Variants in RNGTT observed in about 807,000 individuals in gnomAD.
RNGTT encodes the protein RNA guanylyltransferase and 5'-phosphatase.
In RNGTT, 33 loss-of-function variants were observed where a neutral mutation model predicts 79.3. The ratio of observed to expected loss-of-function variants is 0.42; its 90% CI spans 0.32 to 0.56. RNGTT has a LOEUF of 0.56. Among genes scored for constraint, RNGTT ranks in the 20% least tolerant of loss-of-function variants. The probability of loss-of-function intolerance (pLI) is 0.17; values close to 1 mark genes in which losing one functional copy is unlikely to be tolerated. For missense variants in RNGTT, 497 were observed against 739.1 expected (o/e 0.67, Z 3.80); for synonymous variants, 222 against 235.9 (o/e 0.94, Z 0.54).
chr6:88,959,335 C>T (rs940382836), intron 1 of RNGTT, among the ~76,000 whole-genome samples: 2 of 152,008 alleles, frequency 1.3e-5, no homozygotes, highest in Non-Finnish European at 2.9e-5. Context: ...ACCACCTGTC[C>T]CCCAAAAACT....
intron 4 of RNGTT, among the ~76,000 whole-genome samples, chr6:88,921,320 A>C (rs1310289232): frequency 7.1e-6 from 1 of 141,380 alleles, no homozygotes; most frequent in African/African-American, 2.7e-5. Context: ...CCTGGTCTTT[A>C]AAAAAAAAAA....
chr6:88,932,023 A>G (rs1334618297), intron 2 of RNGTT, among the ~76,000 whole-genome samples: 1 of 152,150 alleles, frequency 6.6e-6, no homozygotes, highest in Non-Finnish European at 1.5e-5. Context: ...ACTGCCTGGG[A>G]GCCAGGCAGG....
In RNGTT at chr6:88,819,750, A is replaced by C. The variant is rs541068847; in HGVS notation, c.1270-18118T>G. Among the ~76,000 whole-genome samples the C allele has an allele frequency of 3.3e-5, 5 of 152,200 alleles. No homozygotes were observed. In the South Asian group the frequency reaches 1.0e-3, roughly 32 times the overall value. On this transcript the variant is annotated intron_variant, in intron 11 of 15. Transcript: ENST00000369485. ...ACATTCTCTTCCACTCTACCTCATT[A>C]ATCTCTACCAACAGACAGCTGCTAA... is the stretch of plus-strand genomic sequence containing the variant.
chr6:88,699,412 C>T (rs1447729383), intron 13 of RNGTT, among the ~76,000 whole-genome samples: 4 of 152,070 alleles, frequency 2.6e-5, no homozygotes, highest in African/African-American at 7.2e-5. Context: ...AAATTTTTCA[C>T]GGTGGCTCAT....
chr6:88,719,698 A>G (rs1776639868), intron 13 of RNGTT, among the ~76,000 whole-genome samples: 1 of 152,226 alleles, frequency 6.6e-6, no homozygotes, highest in East Asian at 1.9e-4. Flanking sequence ...CTGAAATACA[A>G]GGACACTTGG....
chr6:88,751,521 A>G (rs1173662174), intron 13 of RNGTT, among the ~76,000 whole-genome samples: 1 of 152,156 alleles, frequency 6.6e-6, no homozygotes, highest in African/African-American at 2.4e-5. Flanking sequence ...TCAAAAGGCC[A>G]CATTACCTGG....
chr6:88,815,971 T>A (rs965900404), intron 11 of RNGTT, among the ~76,000 whole-genome samples: 2 of 152,190 alleles, frequency 1.3e-5, no homozygotes, highest in African/African-American at 4.8e-5. Context: ...ATTCTTTGTA[T>A]CAATTTTAAG....
intron 11 of RNGTT, among the ~76,000 whole-genome samples, chr6:88,821,697 C>T (rs77347275): frequency 0.019 from 2,928 of 151,434 alleles, 85 homozygotes; most frequent in African/African-American, 0.067. Flanking sequence ...CAACTGATTT[C>T]GATAATAAAA....
chr6:88,624,592 CTAAA>C (rs1772559325), intron 14 of RNGTT, among the ~76,000 whole-genome samples: 1 of 151,628 alleles, frequency 6.6e-6, no homozygotes, highest in Non-Finnish European at 1.5e-5. Context: ...TAAAGTACAC[CTAAA>C]TAAATATAGA....
At chr6:88,898,719 C>T (rs1783340063) in intron 6 of RNGTT, among the ~76,000 whole-genome samples, 1 of 149,466 alleles carries the variant, frequency 6.7e-6, no homozygotes, top group South Asian at 2.1e-4. Context: ...ATATATTCTT[C>T]TACACTAAGT....
intron 6 of RNGTT, among the ~76,000 whole-genome samples, chr6:88,898,830 A>G (rs1783344754): frequency 6.7e-6 from 1 of 149,994 alleles, no homozygotes; most frequent in African/African-American, 2.5e-5. Flanking sequence ...TTTTAACTCT[A>G]TATACTCCTA....
At chr6:88,939,619 T>C (rs1019044672) in intron 2 of RNGTT, among the ~76,000 whole-genome samples, 1 of 152,112 alleles carries the variant, frequency 6.6e-6, no homozygotes, top group African/African-American at 2.4e-5. Context: ...ATTTCATGAA[T>C]TTTTTTATTA....
intron 13 of RNGTT, among the ~76,000 whole-genome samples, chr6:88,729,508 G>A (rs927363088): frequency 2.0e-5 from 3 of 151,776 alleles, no homozygotes; most frequent in Non-Finnish European, 4.4e-5. Flanking sequence ...TTTAAAGCCC[G>A]AAATCAAATA....
intron 11 of RNGTT, among the ~76,000 whole-genome samples, chr6:88,807,178 A>G (rs2127867676): frequency 6.6e-6 from 1 of 152,164 alleles, no homozygotes; most frequent in East Asian, 1.9e-4. Context: ...TGTGCAGGAA[A>G]CCACCATAGC....
intron 8 of RNGTT, among the ~76,000 whole-genome samples, chr6:88,867,983 G>A (rs1460136285): frequency 6.6e-6 from 1 of 152,120 alleles, no homozygotes; most frequent in East Asian, 1.9e-4. Flanking sequence ...AGCCCCTTAG[G>A]CTTAGCTTTC....
chr6:88,929,186 A>C lies in RNGTT; in HGVS notation c.256T>G (p.Tyr86Asp). 6.2e-7 allele frequency: 1 copy of C among 1,605,566 alleles called. No individual in the cohort carries two copies. The highest frequency in any genetic ancestry group is 8.5e-7 in the Non-Finnish European group (1 of 1,173,732). Residue 86 changes from tyrosine to aspartate, a missense_variant, in exon 3 of 16, where the codon TAT becomes GAT. Around this residue, in one of 3 missense-constraint regions of RNGTT, gnomAD observed 440 missense variants for 671.5 expected, o/e 0.66. Transcript: ENST00000369485. ...TACCCTTTACACTGAAGTTTTATAT[A>C]TTTGATTCCTTCTTTTTCTATGTCA... ...RNDIEKEGIK[Y>D]IKLQCKGHGE...
intron 11 of RNGTT, among the ~76,000 whole-genome samples, chr6:88,816,757 A>G (rs1202015224): frequency 1.3e-5 from 2 of 152,186 alleles, no homozygotes; most frequent in Non-Finnish European, 2.9e-5. Context: ...AACCTATTCT[A>G]ATTATATCTA....
rs140607204 is a variant in RNGTT at position 88,622,844 on chromosome 6, T to G, written c.1507-8449A>C. Among the ~76,000 whole-genome samples the G allele has an allele frequency of 1.5e-4, 23 of 152,262 alleles. No homozygotes were observed. In the East Asian group the frequency reaches 3.5e-3, roughly 23 times the overall value. On this transcript the variant is annotated intron_variant, in intron 14 of 15. Transcript: ENST00000369485. ...ATGTGCCCGGTAAGGTGTTGTGGAC[T>G]GGTGACATAATGGTAAACAAGGTAG...
intron 4 of RNGTT, among the ~76,000 whole-genome samples, chr6:88,908,326 G>A (rs147255104): frequency 1.1e-4 from 17 of 152,168 alleles, no homozygotes; most frequent in African/African-American, 2.6e-4. Context: ...TAGGCAAGAC[G>A]GCCAACTACC....
Sources: allele counts gnomAD v4.1 joint callset (sites outside exome capture counted in the v4.1 genomes callset), GRCh38; gene constraint gnomAD v4.1.1; regional missense constraint gnomAD v4.1.1; transcripts MANE v1.5; gene names NCBI Gene and HGNC (gene_info 2026-07-23, HGNC 2026-07-21).